The following FBXL7 variants were observed in gnomAD, a reference collection of about 807,000 sequenced individuals.
FBXL7 encodes F-box/LRR-repeat protein 7.
FBXL7 carries 12 observed loss-of-function variants against 38.3 expected under a neutral mutation model. The ratio of observed to expected loss-of-function variants is 0.31; its 90% CI spans 0.20 to 0.51. FBXL7 has a LOEUF of 0.51. Ranked by LOEUF, FBXL7 falls within the 20% of genes least tolerant of loss-of-function variation. The probability of loss-of-function intolerance (pLI) is 0.98; values close to 1 mark genes in which losing one functional copy is unlikely to be tolerated. For missense variants in FBXL7, 567 were observed against 676.4 expected, an observed-to-expected ratio of 0.84 and a Z score of 1.79; for synonymous variants, 297 against 300.9, an observed-to-expected ratio of 0.99 and a Z score of 0.13.
chr5:15,522,940 GAC>G (rs1383830263), intron 1 of FBXL7, among the ~76,000 whole-genome samples: 1 of 152,196 alleles, frequency 6.6e-6, no homozygotes, highest in African/African-American at 2.4e-5. Flanking sequence ...AGATGTTTCA[GAC>G]ACTATAATGT....
At chr5:15,716,136 C>T (rs1015707240) in intron 2 of FBXL7, among the ~76,000 whole-genome samples, 80 of 152,148 alleles carry the variant, frequency 5.3e-4, no homozygotes, top group South Asian at 2.1e-4. Context: ...GACTATAAAA[C>T]GATGTTTTTG....
At chr5:15,558,273 C>G (rs563322473) in intron 1 of FBXL7, among the ~76,000 whole-genome samples, 81 of 152,336 alleles carry the variant, frequency 5.3e-4, no homozygotes, top group African/African-American at 1.9e-3. Context: ...AGGGCCTTAG[C>G]TGTTCTCCTT....
chr5:15,781,972 C>T (rs1561124540), intron 2 of FBXL7, among the ~76,000 whole-genome samples: 1 of 152,062 alleles, frequency 6.6e-6, no homozygotes, highest in Non-Finnish European at 1.5e-5. Context: ...TAATGCTATT[C>T]CTCCCCTTGC....
intron 2 of FBXL7, among the ~76,000 whole-genome samples, chr5:15,717,594 C>G (rs1379700196): frequency 6.6e-6 from 1 of 152,118 alleles, no homozygotes; most frequent in African/African-American, 2.4e-5. Context: ...TGATTGCCCC[C>G]TTGCATATTA....
intron 1 of FBXL7, among the ~76,000 whole-genome samples, chr5:15,541,082 G>C (rs530526232): frequency 6.6e-6 from 1 of 151,542 alleles, no homozygotes; most frequent in East Asian, 2.0e-4. Context: ...ATATATGTGT[G>C]CACATAGGAG....
At chr5:15,653,845 C>G (rs1366934672) in intron 2 of FBXL7, among the ~76,000 whole-genome samples, 1 of 152,212 alleles carries the variant, frequency 6.6e-6, no homozygotes, top group South Asian at 2.1e-4. Context: ...TTGGGGAGCT[C>G]TGCACAGAAG....
intron 1 of FBXL7, among the ~76,000 whole-genome samples, chr5:15,535,192 T>G (rs1737545538): frequency 2.0e-5 from 3 of 152,174 alleles, no homozygotes; most frequent in Admixed American, 2.0e-4. Flanking sequence ...TTATAAACTA[T>G]CCAGTCTCAA....
intron 2 of FBXL7, among the ~76,000 whole-genome samples, chr5:15,913,791 A>C (rs1438660621): frequency 6.6e-6 from 1 of 152,236 alleles, no homozygotes; most frequent in Non-Finnish European, 1.5e-5. Flanking sequence ...TGTCAAGACA[A>C]GAAAGAGCTG....
intron 2 of FBXL7, among the ~76,000 whole-genome samples, chr5:15,779,914 C>A (rs1736949640): frequency 6.6e-6 from 1 of 152,136 alleles, no homozygotes; most frequent in Non-Finnish European, 1.5e-5. Flanking sequence ...TCTGAAATTT[C>A]CGTTTATCAC....
At chr5:15,592,299 C>G (rs1489133910) in intron 1 of FBXL7, among the ~76,000 whole-genome samples, 1 of 152,104 alleles carries the variant, frequency 6.6e-6, no homozygotes, top group East Asian at 1.9e-4. Context: ...TTTGATGGAA[C>G]AGCAGCAGCA....
intron 2 of FBXL7, among the ~76,000 whole-genome samples, chr5:15,918,369 C>T (rs555692124): frequency 3.9e-5 from 6 of 152,190 alleles, no homozygotes; most frequent in African/African-American, 1.4e-4. Flanking sequence ...CTGAGGCCAC[C>T]CAATCTTTAT....
At chr5:15,680,962 A>C (rs4702099) in intron 2 of FBXL7, among the ~76,000 whole-genome samples, 83,591 of 152,014 alleles carry the variant, frequency 0.55, 23,227 homozygotes, top group East Asian at 0.7. Flanking sequence ...GAGCATGTAA[A>C]TTACAAAATG....
In FBXL7 at chr5:15,939,235, C is replaced by T; in HGVS notation, c.*2049C>T. The T allele has an allele frequency of 2.5e-6, 1 of 394,384 alleles. No homozygotes were observed. The highest frequency in any genetic ancestry group is 4.5e-6 in the Non-Finnish European group (1 of 223,714). 24.4% of individuals were successfully genotyped at this position (394,384 alleles called of 1,614,324 possible). On this transcript the variant is annotated 3_prime_UTR_variant, in exon 4 of 4. Coordinates refer to ENST00000504595, the MANE Select transcript of FBXL7 (RefSeq NM_012304.5). ...AGCTAGGCCAGGATCTAGTGAAAGC[C>T]ACAGAGTTTAAAACCATGAAAGAAG...
At chr5:15,721,920 T>C (rs1744204843) in intron 2 of FBXL7, among the ~76,000 whole-genome samples, 1 of 152,062 alleles carries the variant, frequency 6.6e-6, no homozygotes, top group Non-Finnish European at 1.5e-5. Context: ...CTGCAACCTC[T>C]GCCTCCCAGG....
intron 2 of FBXL7, among the ~76,000 whole-genome samples, chr5:15,627,726 A>C (rs1017930381): frequency 6.6e-6 from 1 of 152,170 alleles, no homozygotes; most frequent in Admixed American, 6.5e-5. Context: ...ACTATAGAGG[A>C]ACTTGGGGAC....
At chr5:15,654,870 G>T (rs1016515703) in intron 2 of FBXL7, among the ~76,000 whole-genome samples, 23 of 152,048 alleles carry the variant, frequency 1.5e-4, no homozygotes, top group African/African-American at 5.1e-4. Flanking sequence ...TATACATGTG[G>T]GTTCTGATTA....
chr5:15,853,100 T>C (rs1735170799), intron 2 of FBXL7, among the ~76,000 whole-genome samples: 1 of 152,200 alleles, frequency 6.6e-6, no homozygotes, highest in African/African-American at 2.4e-5. Flanking sequence ...ACTTGTCTTA[T>C]GTAATCCTGC....
intron 2 of FBXL7, among the ~76,000 whole-genome samples, chr5:15,771,660 A>G (rs969904626): frequency 6.6e-6 from 1 of 152,128 alleles, no homozygotes; most frequent in Non-Finnish European, 1.5e-5. Flanking sequence ...TTACTGAGGT[A>G]CAGTCTGACA....
chr5:15,766,724 A>G (rs1003050323), intron 2 of FBXL7, among the ~76,000 whole-genome samples: 1 of 152,184 alleles, frequency 6.6e-6, no homozygotes. Context: ...TGACTTTCCT[A>G]TCTACTTATT....
Sources: allele counts gnomAD v4.1 joint callset (sites outside exome capture counted in the v4.1 genomes callset), GRCh38; gene constraint gnomAD v4.1.1; transcripts MANE v1.5; gene names NCBI Gene and HGNC (gene_info 2026-07-23, HGNC 2026-07-21).